The following TOGARAM1 variants were observed in gnomAD, a reference collection of about 807,000 sequenced individuals.
TOGARAM1 encodes TOG array regulator of axonemal microtubules protein 1.
A neutral mutation model predicts 166.6 loss-of-function variants in TOGARAM1; 100 were observed. The ratio of observed to expected loss-of-function variants is 0.60; its 90% CI spans 0.51 to 0.71. The LOEUF is 0.71. TOGARAM1 is among the 30% of genes least tolerant of loss of function. TOGARAM1 has a pLI of 0.00. For missense variants in TOGARAM1, 2,029 were observed against 2,102.7 expected (o/e 0.96, Z 0.69); for synonymous variants, 758 against 763.8 (o/e 0.99, Z 0.13).
chr14:45,022,323 A>C lies in TOGARAM1; in HGVS notation c.3239-3460A>C, dbSNP rs571743817. 8.7e-5 allele frequency among the ~76,000 whole-genome samples: 13 copies of C among 150,166 alleles called. No individual in the cohort carries two copies. In the East Asian group the frequency reaches 2.4e-3, roughly 27 times the overall value. The stretch of plus-strand genomic sequence containing the variant: ...ATCTACCGAAACTAGTAGATACTGA[A>C]ATCCCTGAGATTTGGGTATGTGGGT... On this transcript the variant is annotated intron_variant, in intron 7 of 19. Coordinates refer to ENST00000361462, the MANE Select transcript of TOGARAM1 (RefSeq NM_001308120.2).
chr14:45,052,556 G>A lies in TOGARAM1; in HGVS notation c.4434G>A (p.Gln1478=), dbSNP rs771424680. 6.3e-7 allele frequency: 1 copy of A among 1,592,494 alleles called. No homozygotes were observed. Among genetic ancestry groups the A allele is most frequent in the Non-Finnish European group, 8.6e-7 (1 of 1,167,192 alleles). ...PYIKDSVRNL[Q]QKGLGEIPLD... is the part of the protein sequence containing the mutation. ...TTAAGGACTCTGTTAGAAACTTACA[G>A]CAAAAGGTATGTGGGAAAAGTTTGT... Residue 1478 remains glutamine (Q), a synonymous_variant, in exon 15 of 20, where the codon CAG becomes CAA. Transcript: ENST00000361462.
chr14:44,962,557 A>G lies in TOGARAM1; in HGVS notation c.136A>G (p.Lys46Glu), dbSNP rs146638221. 1.2e-6 allele frequency: 2 copies of G among 1,613,968 alleles called. No homozygotes were observed. Among genetic ancestry groups the G allele is most frequent in the African/African-American group, 2.7e-5 (2 of 75,026 alleles). Residue 46 changes from lysine to glutamate, a missense_variant, in exon 1 of 20, where the codon AAA (lysine) becomes GAA (glutamate). Transcript: ENST00000361462. The part of the protein sequence containing the change: ...SRVGGIMRGE[K>E]NYYFRGAAGD... ...AGTTGGGGGCATTATGAGAGGAGAG[A>G]AAAACTACTACTTCCGTGGAGCTGC...
rs57156294 is a variant in TOGARAM1, at chr14:45,026,835, C to CAAAAA, written c.3329-454_3329-450dup. ...CAACATGGCAAAACCCCATCTCTAC[C>CAAAAA]AAAAAAAAAAAAAATACAAAAAATT... is the stretch of plus-strand genomic sequence containing the variant. On this transcript the variant is annotated intron_variant, in intron 8 of 19. Transcript: ENST00000361462. Among the ~76,000 whole-genome samples the CAAAAA allele has an allele frequency of 3.4e-4, 48 of 139,658 alleles. 1 individual carries two copies. The highest frequency in any genetic ancestry group is 1.0e-3 in the East Asian group (5 of 4,806). 91.6% of individuals were successfully genotyped at this position (139,658 alleles called of 152,430 possible). A position where few individuals can be genotyped will look rare whatever the true frequency, so the allele number is the denominator to read the frequency against.
chr14:44,968,874 C>G (rs1037960161), intron 1 of TOGARAM1, among the ~76,000 whole-genome samples: 2 of 152,152 alleles, frequency 1.3e-5, no homozygotes, highest in African/African-American at 4.8e-5. Flanking sequence ...ACAATAGTTT[C>G]AGTGCCCTAA....
intron 7 of TOGARAM1, 29 bp from the exon 8 acceptor site, chr14:45,025,754 A>G (rs753980681): frequency 7.6e-7 from 1 of 1,309,266 alleles, no homozygotes; most frequent in Non-Finnish European, 1.1e-6. Context: ...ATGTTTAAGT[A>G]TTTGTTTTGT....
At chr14:45,038,320 G>GCTCTTTCCGCCCACTTGGC (rs1566654055) in intron 11 of TOGARAM1, among the ~76,000 whole-genome samples, 1 of 152,238 alleles carries the variant, frequency 6.6e-6, no homozygotes, top group East Asian at 1.9e-4. Flanking sequence ...GCCCACTTGG[G>GCTCTTTCCGCCCACTTGGC]CTCTTTCCGC....
At chr14:45,025,626 A>C in intron 7 of TOGARAM1, 157 bp from the exon 8 acceptor site, 1 of 527,728 alleles carries the variant, frequency 1.9e-6, no homozygotes, top group Non-Finnish European at 3.3e-6. Flanking sequence ...TTGCAGTTAC[A>C]AACATTTATA....
chr14:45,056,490 T>C (rs990883471), intron 16 of TOGARAM1, among the ~76,000 whole-genome samples: 1 of 152,226 alleles, frequency 6.6e-6, no homozygotes, highest in African/African-American at 2.4e-5. Context: ...AGTATGATGT[T>C]GGCTGTGGGT....
intron 7 of TOGARAM1, among the ~76,000 whole-genome samples, chr14:45,024,696 A>T (rs1196382941): frequency 6.6e-6 from 1 of 152,176 alleles, no homozygotes; most frequent in Admixed American, 6.5e-5. Context: ...TGTTTCTGTT[A>T]GTTGATGTGT....
intron 13 of TOGARAM1, among the ~76,000 whole-genome samples, chr14:45,045,441 A>G (rs972233876): frequency 2.0e-5 from 3 of 149,042 alleles, no homozygotes; most frequent in Non-Finnish European, 3.0e-5. Context: ...TGGTGTTTCA[A>G]TCCATTATTA....
rs1285563716 is a variant in TOGARAM1 at position 45,036,089 on chromosome 14, C to A, written c.3812+3713C>A. ...AGGCTGCAGTGAGCTGTGATTGTGC[C>A]ACTACACTGCAGCCTGAGCAACAGA... is the stretch of plus-strand genomic sequence containing the variant. On this transcript the variant is annotated intron_variant, in intron 11 of 19. Transcript: ENST00000361462. Among the ~76,000 whole-genome samples, 14 of 142,674 alleles carry A rather than the reference C, an allele frequency of 9.8e-5. No individual in the cohort carries two copies. The East Asian group carries it at 2.6e-3, about 27-fold the overall frequency. 93.6% of individuals were successfully genotyped at this position (142,674 alleles called of 152,430 possible).
At chr14:45,027,227 G>A (rs1880903087) in intron 8 of TOGARAM1, 72 bp from the exon 9 acceptor site, 3 of 1,475,496 alleles carry the variant, frequency 2.0e-6, no homozygotes, top group Non-Finnish European at 2.8e-6. Flanking sequence ...CAAGAGCCTT[G>A]CCTTAAACTT....
intron 13 of TOGARAM1, among the ~76,000 whole-genome samples, chr14:45,045,675 A>G (rs1034965088): frequency 2.1e-5 from 2 of 97,268 alleles, no homozygotes; most frequent in African/African-American, 6.7e-5. Flanking sequence ...ATATGTGTAT[A>G]TATATACACA....
chr14:45,073,337 G>A lies in TOGARAM1; in HGVS notation c.5098G>A (p.Glu1700Lys). 6.2e-7 allele frequency: 1 copy of A among 1,614,154 alleles called. No individual in the cohort carries two copies. The highest frequency in any genetic ancestry group is 1.1e-5 in the South Asian group (1 of 91,082). The change falls in exon 20 of 20, where the codon GAG (glutamate) becomes AAG (lysine). Residue 1700 changes from glutamate (E) to lysine (K), a missense_variant. Physicochemically the swap from Glu to Lys is moderately conservative, Grantham distance 56. Around this residue, in one of 2 missense-constraint regions of TOGARAM1, gnomAD observed 576 missense variants for 670.5 expected, o/e 0.86. Transcript: ENST00000361462. ...TTATCAAAGGAAGCCGCATGCCACA[G>A]AGCAGAAAGTGTTGGTTGTTTTATG... ...ELYQRKPHATEQKVLVVLWHL... is the reference protein window; with the variant it reads ...ELYQRKPHATKQKVLVVLWHL...
chr14:44,991,741 T>A (rs893133658), intron 1 of TOGARAM1, among the ~76,000 whole-genome samples: 3 of 151,918 alleles, frequency 2.0e-5, no homozygotes, highest in Non-Finnish European at 4.4e-5. Flanking sequence ...GTTTTTTTTT[T>A]AAAATAGCTT....
At chr14:45,023,779 C>T (rs908189390) in intron 7 of TOGARAM1, among the ~76,000 whole-genome samples, 2 of 152,022 alleles carry the variant, frequency 1.3e-5, no homozygotes, top group African/African-American at 2.4e-5. Flanking sequence ...TCACTCTTGT[C>T]GCCCAGGCTG....
At chr14:45,023,767 T>C (rs1880664680) in intron 7 of TOGARAM1, among the ~76,000 whole-genome samples, 1 of 151,768 alleles carries the variant, frequency 6.6e-6, no homozygotes. Context: ...TAAGACAGAG[T>C]CTCACTCTTG....
rs770246544 is a variant in TOGARAM1, at chr14:45,043,719, A to T, written c.3846A>T (p.Arg1282Ser). The change falls in exon 12 of 20, where the codon AGA becomes AGT. Residue 1282 changes from arginine (R) to serine (S), a missense_variant. Arg to Ser is a moderately radical substitution (Grantham distance 110, BLOSUM62 -1). This residue lies in a region of TOGARAM1 where 576 missense variants were observed against 670.5 expected (regional missense o/e 0.86). Transcript: ENST00000361462. ...EKKIEGLNFIRCLAAFHSEIL... is the reference protein window; with the variant it reads ...EKKIEGLNFISCLAAFHSEIL... ...AAATTGAGGGACTGAATTTTATTAG[A>T]TGCTTAGCTGCTTTTCATTCTGAGA... 2.5e-6 allele frequency: 4 copies of T among 1,612,976 alleles called. No homozygotes were observed. The Admixed American group carries it at 6.7e-5, about 27-fold the overall frequency.
chr14:45,001,663 A>G (rs1171953415), intron 3 of TOGARAM1, among the ~76,000 whole-genome samples: 1 of 152,240 alleles, frequency 6.6e-6, no homozygotes, highest in Non-Finnish European at 1.5e-5. Flanking sequence ...CAACATCACT[A>G]ATCATCAGAA....
Sources: allele counts gnomAD v4.1 joint callset (sites outside exome capture counted in the v4.1 genomes callset), GRCh38; gene constraint gnomAD v4.1.1; regional missense constraint gnomAD v4.1.1; transcripts MANE v1.5; gene names NCBI Gene and HGNC (gene_info 2026-07-23, HGNC 2026-07-21).